LATS1: variants seen among roughly 807,000 people sequenced by gnomAD.
The protein encoded by LATS1 is serine/threonine-protein kinase LATS1.
A neutral mutation model predicts 106.6 loss-of-function variants in LATS1; 25 were observed. The ratio of observed to expected loss-of-function variants is 0.23; its 90% CI spans 0.17 to 0.33. The LOEUF is 0.33. LATS1 is among the 10% of genes least tolerant of loss of function. The probability of loss-of-function intolerance (pLI) is 1.00; values close to 1 mark genes in which losing one functional copy is unlikely to be tolerated. For missense variants in LATS1, 1,040 were observed against 1,382.6 expected, an observed-to-expected ratio of 0.75 and a Z score of 3.93; for synonymous variants, 465 against 455.6, an observed-to-expected ratio of 1.02 and a Z score of -0.26.
intron 1 of LATS1, among the ~76,000 whole-genome samples, chr6:149,714,163 G>T (rs1277691664): frequency 6.6e-6 from 1 of 151,768 alleles, no homozygotes; most frequent in South Asian, 2.1e-4. Flanking sequence ...GTAGAGACAG[G>T]GGTTTGCCAC....
At chr6:149,696,340 G>A (rs1216858662) in intron 2 of LATS1, among the ~76,000 whole-genome samples, 9 of 150,034 alleles carry the variant, frequency 6.0e-5, no homozygotes, top group Non-Finnish European at 1.2e-4. Context: ...AGGCCGAGGC[G>A]GATAGATCAC....
At chr6:149,713,301 T>A (rs1281060015) in intron 1 of LATS1, among the ~76,000 whole-genome samples, 1 of 148,382 alleles carries the variant, frequency 6.7e-6, no homozygotes, top group East Asian at 1.9e-4. Context: ...ATTATTTTCT[T>A]TTTTTTTTTT....
chr6:149,658,354 C>T lies in LATS1; in HGVS notation c.*3375G>A, dbSNP rs147768817. The T allele has an allele frequency of 6.6e-5, 10 of 152,188 alleles. No homozygotes were observed. The East Asian group carries it at 1.9e-3, about 29-fold the overall frequency. The allele number at this position is 152,188 out of a possible 1,614,324, so 9.4% of individuals were successfully genotyped here. On this transcript the variant is annotated 3_prime_UTR_variant, in exon 8 of 8. Coordinates refer to ENST00000543571, the MANE Select transcript of LATS1 (RefSeq NM_004690.4). Reference sequence around the variant, plus strand: ...TGATTTTATAAAACTTTAATGTTGCCACTGATTCAATTTTAATACAAAATA... The same window carrying T: ...TGATTTTATAAAACTTTAATGTTGCTACTGATTCAATTTTAATACAAAATA...
At chr6:149,676,829 A>G in intron 5 of LATS1, 92 bp from the exon 6 acceptor site, 1 of 1,133,418 alleles carries the variant, frequency 8.8e-7, no homozygotes, top group Non-Finnish European at 1.3e-6. Context: ...TTTAGGGTTA[A>G]CAACATTCTC....
At chr6:149,694,334 T>C (rs911554919) in intron 3 of LATS1, among the ~76,000 whole-genome samples, 6 of 152,120 alleles carry the variant, frequency 3.9e-5, no homozygotes, top group African/African-American at 1.4e-4. Context: ...ATCTTTTTTG[T>C]TGGGTTGTTT....
At chr6:149,676,519 G>C in intron 6 of LATS1, 36 bp downstream of exon 6, 1 of 1,592,224 alleles carries the variant, frequency 6.3e-7, no homozygotes, top group Non-Finnish European at 8.6e-7. Context: ...CTGGTCTAAA[G>C]GTCTACTGAG....
rs750787674 is a variant in LATS1, at chr6:149,661,999, A to G, written c.3123T>C (p.Pro1041=). Residue 1041 remains proline (P), a synonymous_variant, in exon 8 of 8, where the codon CCT becomes CCC. Transcript: ENST00000543571. ...THPTDTSNFD[P]VDPDKLWSDD... is the part of the protein sequence containing the mutation. ...CACTCCATAATTTATCAGGATCAAC[A>G]GGATCAAAATTTGATGTATCTGTTG... 11 of 1,614,094 alleles carry G rather than the reference A, an allele frequency of 6.8e-6. No homozygotes were observed. In the East Asian group the frequency reaches 2.0e-4, roughly 29 times the overall value.
intron 1 of LATS1, among the ~76,000 whole-genome samples, chr6:149,714,300 A>T (rs1335167273): frequency 6.6e-6 from 1 of 151,840 alleles, no homozygotes; most frequent in East Asian, 1.9e-4. Context: ...ACAGATGGAG[A>T]TCTTGCTAGG....
intron 3 of LATS1, 139 bp from the exon 4 acceptor site, chr6:149,684,731 A>C: frequency 3.2e-6 from 2 of 622,534 alleles, no homozygotes; most frequent in Non-Finnish European, 5.3e-6. Context: ...AAAAAGTTCA[A>C]GTGATCTCTT....
At chr6:149,696,266 A>G (rs1015451598) in intron 2 of LATS1, among the ~76,000 whole-genome samples, 5 of 150,328 alleles carry the variant, frequency 3.3e-5, no homozygotes, top group African/African-American at 1.2e-4. Context: ...AGCAATCAAA[A>G]TATCAGAAAC....
chr6:149,665,968 C>T (rs1781120432), intron 7 of LATS1, among the ~76,000 whole-genome samples: 2 of 151,508 alleles, frequency 1.3e-5, no homozygotes, highest in Admixed American at 1.3e-4. Flanking sequence ...ATAGTGAAAC[C>T]CCGTCTCTAC....
Position 149,660,487 on chromosome 6 carries a change from T to A in LATS1, c.*1242A>T. On this transcript the variant is annotated 3_prime_UTR_variant, in exon 8 of 8. Transcript: ENST00000543571. ...AAAACAATCCCTTATCAGTGGAGCT[T>A]AAGAAAAGGAAATAAAACACAACAC... 4.3e-6 allele frequency: 1 copy of A among 233,082 alleles called. No individual in the cohort carries two copies. Among genetic ancestry groups the A allele is most frequent in the Non-Finnish European group, 8.5e-6 (1 of 117,968 alleles). The allele number at this position is 233,082 out of a possible 1,614,324, so 14.4% of individuals were successfully genotyped here.
intron 3 of LATS1, among the ~76,000 whole-genome samples, chr6:149,691,303 C>T (rs1782736869): frequency 6.6e-6 from 1 of 152,138 alleles, no homozygotes; most frequent in South Asian, 2.1e-4. Flanking sequence ...AGGCGGCCGC[C>T]ATCTGCAAGC....
In LATS1 at chr6:149,669,715, C is replaced by T. The variant is rs189398565; in HGVS notation, c.2883+6545G>A. The stretch of plus-strand genomic sequence containing the variant: ...CAGAGGTTGCAGTGAGCTGAGATCA[C>T]GACCCTGCACTCCAGCGTGGGCGAC... On this transcript the variant is annotated intron_variant, in intron 7 of 7. Coordinates refer to ENST00000543571, the MANE Select transcript of LATS1 (RefSeq NM_004690.4). 7.8e-3 allele frequency among the ~76,000 whole-genome samples: 1,188 copies of T among 151,534 alleles called. 31 individuals are homozygous for T. Among genetic ancestry groups the T allele is most frequent in the African/African-American group, 0.027 (1,093 of 41,150 alleles).
intron 4 of LATS1, among the ~76,000 whole-genome samples, chr6:149,682,326 T>C (rs1782085542): frequency 1.3e-5 from 2 of 152,104 alleles, no homozygotes; most frequent in South Asian, 2.1e-4. Context: ...ATAAGATATA[T>C]GTGATGAATA....
chr6:149,692,278 T>A (rs1782805327), intron 3 of LATS1, among the ~76,000 whole-genome samples: 2 of 152,226 alleles, frequency 1.3e-5, no homozygotes, highest in Admixed American at 1.3e-4. Context: ...ACATTTTCAT[T>A]TTTTTGTGGC....
chr6:149,708,592 G>A (rs192682905), intron 1 of LATS1, among the ~76,000 whole-genome samples: 2 of 152,214 alleles, frequency 1.3e-5, no homozygotes, highest in East Asian at 3.9e-4. Flanking sequence ...GCCAAAGCTG[G>A]ATGAGCAGAT....
chr6:149,678,188 A>T (rs1209794687), intron 5 of LATS1, among the ~76,000 whole-genome samples: 8 of 147,836 alleles, frequency 5.4e-5, no homozygotes, highest in African/African-American at 2.0e-4. Flanking sequence ...AAAAAAAAAA[A>T]AAAAAAATAG....
rs1429401660 is a variant in LATS1, at chr6:149,660,746, T to C, written c.*983A>G. 4.4e-6 allele frequency: 1 copy of C among 227,206 alleles called. No individual in the cohort carries two copies. Among genetic ancestry groups the C allele is most frequent in the Non-Finnish European group, 8.7e-6 (1 of 114,438 alleles). 14.1% of individuals were successfully genotyped at this position (227,206 alleles called of 1,614,324 possible). On this transcript the variant is annotated 3_prime_UTR_variant, in exon 8 of 8. Coordinates refer to ENST00000543571, the MANE Select transcript of LATS1 (RefSeq NM_004690.4). Reference sequence around the variant, plus strand: ...CTTAAGAGTTAATTTTTTCACCAATTAATCTGCGCTTAGGTAAAATATTGC... The same window carrying C: ...CTTAAGAGTTAATTTTTTCACCAATCAATCTGCGCTTAGGTAAAATATTGC...
Sources: gnomAD v4.1 joint callset for allele counts (sites outside exome capture counted in the v4.1 genomes callset) on GRCh38, gnomAD v4.1.1 for gene constraint, MANE v1.5 for transcripts, NCBI Gene and HGNC (gene_info 2026-07-23, HGNC 2026-07-21) for gene names.